The following SMARCA2 variants were observed in gnomAD, a reference collection of about 807,000 sequenced individuals.
SMARCA2 encodes SWI/SNF related BAF chromatin remodeling complex subunit ATPase 2, also known as SWI/SNF-related matrix-associated actin-dependent regulator of chromatin subfamily A member 2.
A neutral mutation model predicts 199.8 loss-of-function variants in SMARCA2; 61 were observed. That is an observed-to-expected ratio of 0.31 (90% CI 0.25 to 0.38). SMARCA2 has a LOEUF of 0.38. SMARCA2 is among the 10% of genes least tolerant of loss of function. The pLI is 1.00. For missense variants in SMARCA2, 1,344 were observed against 2,012.2 expected, an observed-to-expected ratio of 0.67 and a Z score of 6.35; for synonymous variants, 935 against 732.0, an observed-to-expected ratio of 1.28 and a Z score of -4.48.
intron 10 of SMARCA2, among the ~76,000 whole-genome samples, chr9:2,071,499 AT>A (rs1456807334): frequency 6.6e-6 from 1 of 152,218 alleles, no homozygotes; most frequent in Non-Finnish European, 1.5e-5. Flanking sequence ...ACAGGGAGAG[AT>A]TTAACATGTT....
chr9:2,150,463 T>G (rs1825004986), intron 27 of SMARCA2, among the ~76,000 whole-genome samples: 1 of 151,580 alleles, frequency 6.6e-6, no homozygotes, highest in East Asian at 1.9e-4. Flanking sequence ...AGCAGCTGCC[T>G]GATACAGAAG....
At chr9:2,190,234 C>T (rs575230483) in intron 32 of SMARCA2, among the ~76,000 whole-genome samples, 10 of 152,324 alleles carry the variant, frequency 6.6e-5, no homozygotes, top group African/African-American at 2.2e-4. Flanking sequence ...GAAGGCTAAT[C>T]TGACAGAGCA....
chr9:2,039,754 TGCA>T lies in SMARCA2; in HGVS notation c.648_650del (p.Gln238del), dbSNP rs775161492. ...CAGGGGAAAAGGACGTTGCCTGGCT[TGCA>T]GCAACAACAGCAGCAGCAACAGCAG... On this transcript the variant is annotated inframe_deletion, in exon 4 of 34. Coordinates refer to ENST00000349721, the MANE Select transcript of SMARCA2 (RefSeq NM_003070.5). The surrounding 1 kb of genome is among the most constrained non-coding windows in gnomAD (Gnocchi z 4.8). The T allele has an allele frequency of 6.2e-7, 1 of 1,613,122 alleles. No individual in the cohort carries two copies. Among genetic ancestry groups the T allele is most frequent in the Non-Finnish European group, 8.5e-7 (1 of 1,179,772 alleles).
At chr9:2,134,384 C>T (rs1824103965) in intron 27 of SMARCA2, among the ~76,000 whole-genome samples, 1 of 152,168 alleles carries the variant, frequency 6.6e-6, no homozygotes, top group Admixed American at 6.5e-5. Context: ...CCCAAACTCG[C>T]TCGGCCATTA....
chr9:2,027,379 C>A (rs1276726856), intron 1 of SMARCA2, among the ~76,000 whole-genome samples: 3 of 151,938 alleles, frequency 2.0e-5, no homozygotes, highest in African/African-American at 7.3e-5. Context: ...GAGTTTGAGG[C>A]TTCAGTGAGC....
At position 2,165,570 on chromosome 9, in the gene SMARCA2, A is replaced by C. The variant is rs946438008; in HGVS notation, c.4199+3667A>C. ...TTGCACAAATAGAAAACTTTATATCAAGTAGTACCAGAAGGCTTTGTTTTG... is the reference window on the plus strand; with the variant it reads ...TTGCACAAATAGAAAACTTTATATCCAGTAGTACCAGAAGGCTTTGTTTTG... On this transcript the variant is annotated intron_variant, in intron 28 of 33. Transcript: ENST00000349721. 2.0e-5 allele frequency among the ~76,000 whole-genome samples: 3 copies of C among 152,306 alleles called. No homozygotes were observed. The South Asian group carries it at 6.2e-4, about 32-fold the overall frequency.
At chr9:2,163,185 A>G (rs941581707) in intron 28 of SMARCA2, among the ~76,000 whole-genome samples, 1 of 152,232 alleles carries the variant, frequency 6.6e-6, no homozygotes, top group African/African-American at 2.4e-5. Flanking sequence ...GAAATGGGGA[A>G]AGAGGAGTAG....
At chr9:2,150,916 C>A (rs1825031573) in intron 27 of SMARCA2, among the ~76,000 whole-genome samples, 3 of 151,494 alleles carry the variant, frequency 2.0e-5, no homozygotes, top group Admixed American at 6.6e-5. Context: ...CTTAGAAAGA[C>A]AGCAGTCATA....
chr9:2,191,229 T>C, intron 32 of SMARCA2, 37 bp from the exon 33 acceptor site: 1 of 1,604,866 alleles, frequency 6.2e-7, no homozygotes, highest in Non-Finnish European at 8.5e-7. Context: ...TCCTTGTGAT[T>C]ACTCACTGGT....
chr9:2,040,664 G>A (rs774751666), intron 4 of SMARCA2: 1 of 152,174 alleles, frequency 6.6e-6, no homozygotes, highest in African/African-American at 2.4e-5. Context: ...TATTGTAAGA[G>A]GCACTGCATG....
chr9:2,155,361 C>G lies in SMARCA2; in HGVS notation c.3982-6325C>G, dbSNP rs113528426. 7.2e-3 allele frequency among the ~76,000 whole-genome samples: 1,101 copies of G among 152,228 alleles called. 5 individuals are homozygous for G. Among genetic ancestry groups the G allele is most frequent in the African/African-American group, 0.025 (1,042 of 41,522 alleles). ...GCAGTGGGGCAATCTCGGCTCACTG[C>G]AGCCTCCGCCTCCCGGGTTCAAGCG... On this transcript the variant is annotated intron_variant, in intron 27 of 33. Transcript: ENST00000349721.
intron 29 of SMARCA2, among the ~76,000 whole-genome samples, chr9:2,176,743 A>AGAT (rs1483504883): frequency 6.7e-6 from 1 of 149,478 alleles, no homozygotes; most frequent in Non-Finnish European, 1.5e-5. Flanking sequence ...TTTTTTGTAG[A>AGAT]GATGAGGTTT....
At chr9:2,117,021 C>T (rs1406885367) in intron 25 of SMARCA2, among the ~76,000 whole-genome samples, 1 of 152,146 alleles carries the variant, frequency 6.6e-6, no homozygotes, top group Non-Finnish European at 1.5e-5. Flanking sequence ...AACAAATACT[C>T]CTCAACTTAC....
chr9:2,104,248 C>T lies in SMARCA2; in HGVS notation c.3292+79C>T. ...AATGGGCACTTAGGTCCAATCTCAG[C>T]CAAAAAGAAGGGGTAAAATTGAAGA... On this transcript the variant is annotated intron_variant, in intron 23 of 33. Transcript: ENST00000349721. This position sits in a 1 kb window ranked among gnomAD's most constrained non-coding sequence, Gnocchi z 4.0. 1 of 1,305,440 alleles carries T rather than the reference C, an allele frequency of 7.7e-7. No individual in the cohort carries two copies. 80.9% of individuals were successfully genotyped at this position (1,305,440 alleles called of 1,614,324 possible). A position where few individuals can be genotyped will look rare whatever the true frequency, so the allele number is the denominator to read the frequency against.
intron 32 of SMARCA2, among the ~76,000 whole-genome samples, chr9:2,188,031 C>G (rs904667255): frequency 5.3e-5 from 8 of 151,824 alleles, no homozygotes; most frequent in African/African-American, 1.9e-4. Flanking sequence ...GTTTTTTTAC[C>G]TTTTCAAATA....
At chr9:2,132,348 G>A (rs1347384123) in intron 27 of SMARCA2, among the ~76,000 whole-genome samples, 2 of 152,206 alleles carry the variant, frequency 1.3e-5, no homozygotes, top group African/African-American at 4.8e-5. Flanking sequence ...TGAAATCACA[G>A]ACAGGGGCTT....
At chr9:2,118,568 C>G (rs1431635242) in intron 25 of SMARCA2, among the ~76,000 whole-genome samples, 1 of 152,054 alleles carries the variant, frequency 6.6e-6, no homozygotes, top group Non-Finnish European at 1.5e-5. Flanking sequence ...CTGAAATTCC[C>G]CGTTTGATTT....
At chr9:2,029,846 T>C (rs1818985729) in intron 2 of SMARCA2, among the ~76,000 whole-genome samples, 1 of 152,254 alleles carries the variant, frequency 6.6e-6, no homozygotes, top group African/African-American at 2.4e-5. Context: ...ATTTCTGGAC[T>C]AAGGTTGTAA....
chr9:2,070,532 A>G, intron 10 of SMARCA2, 61 bp downstream of exon 10: 1 of 1,259,092 alleles, frequency 7.9e-7, no homozygotes, highest in Non-Finnish European at 1.2e-6. Context: ...CATACCTGGC[A>G]GCACCATTCT....
Sources: gnomAD v4.1 joint callset for allele counts (sites outside exome capture counted in the v4.1 genomes callset) on GRCh38, gnomAD v4.1.1 for gene constraint, Gnocchi (gnomAD v3.1) non-coding constraint, MANE v1.5 for transcripts, NCBI Gene and HGNC (gene_info 2026-07-23, HGNC 2026-07-21) for gene names.